Variants in SEMA5A observed in about 807,000 individuals in gnomAD.
SEMA5A encodes semaphorin-5A.
SEMA5A carries 55 observed loss-of-function variants against 135.5 expected under a neutral mutation model. That is an observed-to-expected ratio of 0.41 (90% CI 0.33 to 0.51). The LOEUF (loss-of-function observed/expected upper bound fraction) is 0.51. Among genes scored for constraint, SEMA5A ranks in the 20% least tolerant of loss-of-function variants. SEMA5A has a pLI of 0.37. For missense variants in SEMA5A, 1,290 were observed against 1,419.9 expected (o/e 0.91, Z 1.47); for synonymous variants, 580 against 546.5 (o/e 1.06, Z -0.85).
intron 2 of SEMA5A, among the ~76,000 whole-genome samples, chr5:9,410,047 C>T (rs17323383): frequency 0.026 from 3,968 of 152,246 alleles, 87 homozygotes; most frequent in Non-Finnish European, 0.039. Context: ...CTTTTAGCTT[C>T]TGTTTTACCA....
At chr5:9,312,312 G>C (rs913744291) in intron 5 of SEMA5A, among the ~76,000 whole-genome samples, 1 of 150,302 alleles carries the variant, frequency 6.7e-6, no homozygotes, top group Admixed American at 6.6e-5. Context: ...TTTTCAATAG[G>C]GGATGGCTAA....
intron 1 of SEMA5A, among the ~76,000 whole-genome samples, chr5:9,444,192 T>A (rs59351608): frequency 0.15 from 22,365 of 152,152 alleles, 2,032 homozygotes; most frequent in African/African-American, 0.26. Context: ...ATTTTTTTTT[T>A]ATTTCCAAAG....
intron 2 of SEMA5A, among the ~76,000 whole-genome samples, chr5:9,417,739 C>A (rs1757328458): frequency 6.6e-6 from 1 of 152,216 alleles, no homozygotes; most frequent in Admixed American, 6.6e-5. Context: ...TTCATTTTTA[C>A]ATTTATTACA....
intron 3 of SEMA5A, among the ~76,000 whole-genome samples, chr5:9,363,777 C>T (rs934114025): frequency 2.6e-5 from 4 of 152,266 alleles, no homozygotes; most frequent in African/African-American, 9.6e-5. Flanking sequence ...ATCAGTTACA[C>T]GGTTCTGTCA....
chr5:9,139,543 C>A (rs972017431), intron 12 of SEMA5A, among the ~76,000 whole-genome samples: 2 of 152,180 alleles, frequency 1.3e-5, no homozygotes, highest in East Asian at 3.8e-4. Context: ...ACTTTTTAAA[C>A]ATTTGCATTT....
chr5:9,532,756 T>C (rs268548), intron 1 of SEMA5A, among the ~76,000 whole-genome samples: 51,146 of 152,094 alleles, frequency 0.34, 8,761 homozygotes, highest in East Asian at 0.41. Context: ...CAGATAAAGG[T>C]TGCCATGATA....
intron 1 of SEMA5A, among the ~76,000 whole-genome samples, chr5:9,470,657 A>G (rs894140175): frequency 9.9e-5 from 15 of 152,170 alleles, no homozygotes; most frequent in Admixed American, 3.3e-4. Context: ...CCTCCTCTGG[A>G]TGAAAGCCTT....
chr5:9,216,822 C>T (rs56698989), intron 8 of SEMA5A, among the ~76,000 whole-genome samples: 4,461 of 152,056 alleles, frequency 0.029, 235 homozygotes, highest in African/African-American at 0.1. Context: ...TTCTCTTTTC[C>T]ATTTGCTTGG....
intron 1 of SEMA5A, among the ~76,000 whole-genome samples, chr5:9,468,111 C>T (rs1759330496): frequency 6.6e-6 from 1 of 152,222 alleles, no homozygotes; most frequent in Non-Finnish European, 1.5e-5. Context: ...CTGCCCCTTA[C>T]TCCACTGACT....
chr5:9,327,429 G>A (rs867937452), intron 4 of SEMA5A, among the ~76,000 whole-genome samples: 1 of 152,122 alleles, frequency 6.6e-6, no homozygotes, highest in African/African-American at 2.4e-5. Context: ...ATCCCAGAAA[G>A]AGCATTTTGA....
At chr5:9,062,561 A>C (rs1184273434) in intron 18 of SEMA5A, among the ~76,000 whole-genome samples, 2 of 152,118 alleles carry the variant, frequency 1.3e-5, no homozygotes, top group Non-Finnish European at 2.9e-5. Context: ...GATCTCCTGG[A>C]CTACAGAAAT....
At chr5:9,394,327 A>G (rs1756295172) in intron 2 of SEMA5A, among the ~76,000 whole-genome samples, 1 of 152,038 alleles carries the variant, frequency 6.6e-6, no homozygotes, top group African/African-American at 2.4e-5. Flanking sequence ...AGTGGTAACC[A>G]TTTACCATGT....
At chr5:9,256,225 C>T (rs1413739260) in intron 5 of SEMA5A, among the ~76,000 whole-genome samples, 2 of 152,230 alleles carry the variant, frequency 1.3e-5, no homozygotes, top group Middle Eastern at 3.4e-3. Context: ...GAGTGGCTTG[C>T]CATTTAGGTA....
At chr5:9,362,864 G>C (rs191594606) in intron 3 of SEMA5A, among the ~76,000 whole-genome samples, 5 of 152,274 alleles carry the variant, frequency 3.3e-5, no homozygotes, top group African/African-American at 1.2e-4. Context: ...ATGTGCAAAA[G>C]TGTCTATCTG....
At chr5:9,498,878 G>A (rs894545289) in intron 1 of SEMA5A, 8 of 152,142 alleles carry the variant, frequency 5.3e-5, no homozygotes, top group South Asian at 2.1e-4. Context: ...CTGTGTTTTC[G>A]TCTGTATTTA....
At chr5:9,172,337 A>C (rs1212965450) in intron 11 of SEMA5A, among the ~76,000 whole-genome samples, 1 of 152,214 alleles carries the variant, frequency 6.6e-6, no homozygotes, top group Non-Finnish European at 1.5e-5. Flanking sequence ...TTGCCATTTA[A>C]AGACAGTTTA....
At chr5:9,106,752 T>C (rs2150152429) in intron 16 of SEMA5A, among the ~76,000 whole-genome samples, 1 of 152,352 alleles carries the variant, frequency 6.6e-6, no homozygotes, top group East Asian at 1.9e-4. Context: ...ATAAATAGTT[T>C]TAAATGTCAG....
At position 9,132,861 on chromosome 5, in the gene SEMA5A, C is replaced by T. The variant is rs149873596; in HGVS notation, c.1599+3643G>A. Among the ~76,000 whole-genome samples, 4 of 152,302 alleles carry T rather than the reference C, an allele frequency of 2.6e-5. No individual in the cohort carries two copies. The South Asian group carries it at 8.3e-4, about 32-fold the overall frequency. The stretch of plus-strand genomic sequence containing the variant: ...TTACATGAGGTATAAAATATTTGGT[C>T]TCATTCAAAAATCCCTCAGCTTATA... On this transcript the variant is annotated intron_variant, in intron 13 of 22. Coordinates refer to ENST00000382496, the MANE Select transcript of SEMA5A (RefSeq NM_003966.3).
chr5:9,357,446 A>G lies in SEMA5A; in HGVS notation c.125-19634T>C, dbSNP rs138585634. ...ATAATTAGCGAGAATTGTTTTCACA[A>G]ACAACCGACCAAGCCCATGACTCCA... On this transcript the variant is annotated intron_variant, in intron 3 of 22. Coordinates refer to ENST00000382496, the MANE Select transcript of SEMA5A (RefSeq NM_003966.3). Among the ~76,000 whole-genome samples the G allele has an allele frequency of 4.9e-3, 747 of 152,332 alleles. 7 individuals are homozygous for G. The highest frequency in any genetic ancestry group is 0.017 in the African/African-American group (710 of 41,570).
Sources: gnomAD v4.1 joint callset for allele counts (sites outside exome capture counted in the v4.1 genomes callset) on GRCh38, gnomAD v4.1.1 for gene constraint, MANE v1.5 for transcripts, NCBI Gene and HGNC (gene_info 2026-07-23, HGNC 2026-07-21) for gene names.